The following PITPNM3 variants were observed in gnomAD, a reference collection of about 807,000 sequenced individuals.
PITPNM3 encodes the protein PITPNM family member 3.
In PITPNM3, 26 loss-of-function variants were observed where a neutral mutation model predicts 102.0. The observed-to-expected ratio is 0.25, with a 90% CI of 0.19 to 0.35. PITPNM3 has a LOEUF of 0.35. PITPNM3 is among the 10% of genes least tolerant of loss of function. The pLI is 1.00. For missense variants in PITPNM3, 1,083 were observed against 1,346.1 expected, an observed-to-expected ratio of 0.80 and a Z score of 3.06; for synonymous variants, 578 against 558.6, an observed-to-expected ratio of 1.03 and a Z score of -0.49.
In PITPNM3 at chr17:6,469,479, C is replaced by T. The variant is rs561478641; in HGVS notation, c.1773+781G>A. Among the ~76,000 whole-genome samples, 5 of 152,174 alleles carry T rather than the reference C, an allele frequency of 3.3e-5. No individual in the cohort carries two copies. The East Asian group carries it at 5.8e-4, about 18-fold the overall frequency. Reference sequence around the variant, plus strand: ...CCCTGCCCAGCCCTGCTCTTCCGCACGTGCAGGACACAGAACCACCTTAGT... The same window carrying T: ...CCCTGCCCAGCCCTGCTCTTCCGCATGTGCAGGACACAGAACCACCTTAGT... On this transcript the variant is annotated intron_variant, in intron 13 of 19. Transcript: ENST00000262483. The surrounding 1 kb of genome is among the most constrained non-coding windows in gnomAD (Gnocchi z 4.0).
chr17:6,525,336 T>C lies in PITPNM3; in HGVS notation c.226+20A>G. On this transcript the variant is annotated intron_variant, in intron 3 of 19. Coordinates refer to ENST00000262483, the MANE Select transcript of PITPNM3 (RefSeq NM_031220.4). Reference sequence around the variant, plus strand: ...CACACCTATGTGCACATCCTGGTCATGAGAGAAGCAGAGTCTCACCTTGAT... The same window carrying C: ...CACACCTATGTGCACATCCTGGTCACGAGAGAAGCAGAGTCTCACCTTGAT... 1 of 1,607,538 alleles carries C rather than the reference T, an allele frequency of 6.2e-7. No individual in the cohort carries two copies. The highest frequency in any genetic ancestry group is 8.5e-7 in the Non-Finnish European group (1 of 1,174,026).
intron 3 of PITPNM3, among the ~76,000 whole-genome samples, chr17:6,507,409 C>A (rs374998023): frequency 1.4e-5 from 2 of 147,288 alleles, no homozygotes; most frequent in African/African-American, 2.5e-5. Context: ...CATGGTGAAA[C>A]CCCGTCTCTA....
intron 2 of PITPNM3, among the ~76,000 whole-genome samples, chr17:6,536,099 G>A (rs202054786): frequency 6.6e-6 from 1 of 151,780 alleles, no homozygotes; most frequent in Non-Finnish European, 1.5e-5. Flanking sequence ...AAAAAAAAAG[G>A]AGATGATGAG....
At chr17:6,485,212 G>A (rs1906010727) in intron 4 of PITPNM3, among the ~76,000 whole-genome samples, 1 of 149,350 alleles carries the variant, frequency 6.7e-6, no homozygotes, top group Non-Finnish European at 1.5e-5. Context: ...AGGCTGGAGT[G>A]CAATGGTGCA....
chr17:6,475,146 C>G (rs538952063), intron 9 of PITPNM3, among the ~76,000 whole-genome samples: 1 of 152,336 alleles, frequency 6.6e-6, no homozygotes, highest in East Asian at 1.9e-4. Flanking sequence ...TCAGGGCTTT[C>G]ATCGTAATTC....
chr17:6,466,155 T>C (rs555615165), intron 14 of PITPNM3, among the ~76,000 whole-genome samples: 147 of 152,340 alleles, frequency 9.6e-4, no homozygotes, highest in East Asian at 8.9e-3. Flanking sequence ...CTCACACCGC[T>C]GTCCCGCCCC....
rs1273249985 is a variant in PITPNM3, at chr17:6,525,400, AG to A, written c.181del (p.Leu61SerfsTer39). The A allele has an allele frequency of 6.2e-7, 1 of 1,614,090 alleles. No individual in the cohort carries two copies. The highest frequency in any genetic ancestry group is 8.5e-7 in the Non-Finnish European group (1 of 1,180,026). ...CCCCATGGTCTCGATCTGCTCCACGAGGTCATTGGAGTTCCACTGGCTCATC... is the reference window on the plus strand; with the variant it reads ...CCCCATGGTCTCGATCTGCTCCACGAGTCATTGGAGTTCCACTGGCTCATC... ...IGMSQWNSND[L>X]VEQIETMGKL... On this transcript the variant is annotated frameshift_variant, in exon 3 of 20. Coordinates refer to ENST00000262483, the MANE Select transcript of PITPNM3 (RefSeq NM_031220.4). LOFTEE classifies it high-confidence loss of function.
rs1597367208 is a variant in PITPNM3 at position 6,470,479 on chromosome 17, C to G, written c.1625-71G>C. On this transcript the variant is annotated intron_variant, in intron 12 of 19. Transcript: ENST00000262483. The surrounding 1 kb of genome is among the most constrained non-coding windows in gnomAD (Gnocchi z 4.8). ...CTCACCCGAGGGGCAGCGGGGTCTCCCATTGCACAGACTGGTGGTGGATGC... is the reference window on the plus strand; with the variant it reads ...CTCACCCGAGGGGCAGCGGGGTCTCGCATTGCACAGACTGGTGGTGGATGC... The G allele has an allele frequency of 6.2e-7, 1 of 1,603,512 alleles. No individual in the cohort carries two copies. Among genetic ancestry groups the G allele is most frequent in the East Asian group, 2.2e-5 (1 of 44,760 alleles).
At chr17:6,509,954 C>T (rs908387358) in intron 3 of PITPNM3, among the ~76,000 whole-genome samples, 1 of 151,984 alleles carries the variant, frequency 6.6e-6, no homozygotes, top group Middle Eastern at 3.2e-3. Flanking sequence ...TTTCCAAGAC[C>T]TCCCACCCCT....
chr17:6,470,507 C>T lies in PITPNM3; in HGVS notation c.1625-99G>A. On this transcript the variant is annotated intron_variant, in intron 12 of 19. Transcript: ENST00000262483. This position sits in a 1 kb window ranked among gnomAD's most constrained non-coding sequence, Gnocchi z 4.8. ...TTGCACAGACTGGTGGTGGATGCCC[C>T]ACGTGGGGCACGGGTTTGGGCGGGA... The T allele has an allele frequency of 2.0e-6, 3 of 1,524,492 alleles. No homozygotes were observed. Among genetic ancestry groups the T allele is most frequent in the Non-Finnish European group, 2.7e-6 (3 of 1,106,124 alleles). The allele number at this position is 1,524,492 out of a possible 1,614,324, so 94.4% of individuals were successfully genotyped here. A position where few individuals can be genotyped will look rare whatever the true frequency, so the allele number is the denominator to read the frequency against.
At position 6,467,531 on chromosome 17, in the gene PITPNM3, CAA is replaced by C. The variant is rs550120973; in HGVS notation, c.1890+692_1890+693del. Among the ~76,000 whole-genome samples, 111 of 152,108 alleles carry C rather than the reference CAA, an allele frequency of 7.3e-4. 1 individual carries two copies. The highest frequency in any genetic ancestry group is 2.7e-3 in the African/African-American group (111 of 41,496). ...ATTTTATCTCAATAAATATGTTTAC[CAA>C]AAAAGAGTTGGTTCATGAAGGATTG... is the stretch of plus-strand genomic sequence containing the variant. On this transcript the variant is annotated intron_variant, in intron 14 of 19. Transcript: ENST00000262483.
chr17:6,473,976 C>CA lies in PITPNM3; in HGVS notation c.1258+455dup, dbSNP rs56728914. ...TGGGTGACAGAGTGAGACTCCATCTCAAAAAAAAAAAAAAAAAAAAAGGTT... is the reference window on the plus strand; with the variant it reads ...TGGGTGACAGAGTGAGACTCCATCTCAAAAAAAAAAAAAAAAAAAAAAGGTT... On this transcript the variant is annotated intron_variant, in intron 10 of 19. Transcript: ENST00000262483. 1.6e-3 allele frequency among the ~76,000 whole-genome samples: 157 copies of CA among 95,998 alleles called. 1 individual carries two copies. Among genetic ancestry groups the CA allele is most frequent in the Middle Eastern group, 4.6e-3 (1 of 218 alleles). 63.0% of individuals were successfully genotyped at this position (95,998 alleles called of 152,430 possible).
rs1459765177 is a variant in PITPNM3, at chr17:6,478,125, G to A, written c.778-28C>T. On this transcript the variant is annotated intron_variant, in intron 7 of 19. Transcript: ENST00000262483. This position sits in a 1 kb window ranked among gnomAD's most constrained non-coding sequence, Gnocchi z 4.4. ...GGAAGAGATGCAGCTGGGACTGCAG[G>A]CCTGCCCACTGCTGACCCCTCACCC... The A allele has an allele frequency of 1.2e-6, 2 of 1,611,714 alleles. No individual in the cohort carries two copies. The highest frequency in any genetic ancestry group is 1.1e-5 in the South Asian group (1 of 91,094).
In PITPNM3 at chr17:6,470,283, C is replaced by A. The variant is rs375915718; in HGVS notation, c.1750G>T (p.Val584Leu). 2 of 1,611,672 alleles carry A rather than the reference C, an allele frequency of 1.2e-6. No homozygotes were observed. The highest frequency in any genetic ancestry group is 1.7e-6 in the Non-Finnish European group (2 of 1,179,020). ...ACCTGTCTCAGGATGAAGGCCACCA[C>A]GTCTGTGGACTCCCAGTAACTGGCG... Reference protein sequence around the residue: ...FHASYWESTDVVAFILRQVMR... With the variant: ...FHASYWESTDLVAFILRQVMR... Residue 584 changes from valine to leucine, a missense_variant, in exon 13 of 20, where the codon GTG (valine) becomes TTG (leucine). Val to Leu is a conservative substitution (Grantham distance 32, BLOSUM62 1). Coordinates refer to ENST00000262483, the MANE Select transcript of PITPNM3 (RefSeq NM_031220.4). The surrounding 1 kb of genome is among the most constrained non-coding windows in gnomAD (Gnocchi z 4.8).
intron 2 of PITPNM3, among the ~76,000 whole-genome samples, chr17:6,527,495 C>T (rs1271133357): frequency 2.0e-5 from 3 of 152,180 alleles, no homozygotes; most frequent in African/African-American, 7.2e-5. Flanking sequence ...AGCACCACCA[C>T]CACCAGTAGG....
chr17:6,508,283 T>C (rs1387049889), intron 3 of PITPNM3, among the ~76,000 whole-genome samples: 1 of 152,252 alleles, frequency 6.6e-6, no homozygotes, highest in Non-Finnish European at 1.5e-5. Context: ...CCTTGAAGGC[T>C]GCACCTGGGC....
chr17:6,543,582 G>C lies in PITPNM3; in HGVS notation c.23-5500C>G, dbSNP rs535540575. 6.6e-5 allele frequency among the ~76,000 whole-genome samples: 10 copies of C among 152,368 alleles called. No individual in the cohort carries two copies. In the South Asian group the frequency reaches 2.1e-3, roughly 32 times the overall value. On this transcript the variant is annotated intron_variant, in intron 1 of 19. Transcript: ENST00000262483. ...CCGATGCTTACTGGGCCAGACCTTG[G>C]GCCAGATGGTGCCAGGAAGGAAGGA...
chr17:6,493,606 T>C (rs1906626353), intron 4 of PITPNM3, among the ~76,000 whole-genome samples: 1 of 152,202 alleles, frequency 6.6e-6, no homozygotes, highest in Non-Finnish European at 1.5e-5. Flanking sequence ...GGAAGTTTCA[T>C]CCAGAGTCTG....
intron 6 of PITPNM3, among the ~76,000 whole-genome samples, chr17:6,482,036 GTCTGTCTCTC>G (rs1905757046): frequency 1.2e-4 from 3 of 25,844 alleles, no homozygotes; most frequent in East Asian, 1.2e-3. Context: ...CTCTCTCTCT[GTCTGTCTCTC>G]TCTCTCTCTC....
Sources: allele counts gnomAD v4.1 joint callset (sites outside exome capture counted in the v4.1 genomes callset), GRCh38; gene constraint gnomAD v4.1.1; non-coding constraint Gnocchi (gnomAD v3.1); transcripts MANE v1.5; gene names NCBI Gene and HGNC (gene_info 2026-07-23, HGNC 2026-07-21).